FAF1: variants seen among roughly 807,000 people sequenced by gnomAD.
The protein encoded by FAF1 is Fas associated factor 1, also known as FAS-associated factor 1.
FAF1 carries 25 observed loss-of-function variants against 92.5 expected under a neutral mutation model. The observed-to-expected ratio is 0.27, with a 90% CI of 0.20 to 0.38. FAF1 has a LOEUF of 0.38. Among genes scored for constraint, FAF1 ranks in the 10% least tolerant of loss-of-function variants. The probability of loss-of-function intolerance (pLI) is 1.00; values close to 1 mark genes in which losing one functional copy is unlikely to be tolerated. For missense variants in FAF1, 636 were observed against 793.3 expected, an observed-to-expected ratio of 0.80 and a Z score of 2.38; for synonymous variants, 234 against 273.2, an observed-to-expected ratio of 0.86 and a Z score of 1.42.
chr1:50,888,522 C>T (rs575775755), intron 1 of FAF1, among the ~76,000 whole-genome samples: 287 of 152,234 alleles, frequency 1.9e-3, no homozygotes, highest in African/African-American at 6.3e-3. Context: ...TTGTCATAAA[C>T]AGCTCTTATT....
intron 4 of FAF1, among the ~76,000 whole-genome samples, chr1:50,752,676 A>AT: frequency 6.6e-6 from 1 of 151,582 alleles, no homozygotes; most frequent in East Asian, 1.9e-4. Context: ...TGATTTGCTC[A>AT]TTTTTTTGGT....
At chr1:50,886,213 CA>C (rs1402276427) in intron 1 of FAF1, among the ~76,000 whole-genome samples, 1 of 152,178 alleles carries the variant, frequency 6.6e-6, no homozygotes, top group Non-Finnish European at 1.5e-5. Flanking sequence ...TGCTCATTAT[CA>C]TCCTTTTCTT....
At chr1:50,929,471 A>G (rs1460779938) in intron 1 of FAF1, among the ~76,000 whole-genome samples, 1 of 152,230 alleles carries the variant, frequency 6.6e-6, no homozygotes, top group African/African-American at 2.4e-5. Context: ...TCAAAAAAAT[A>G]AAAATTTCCC....
chr1:50,729,058 A>ATTTTTTT lies in FAF1; in HGVS notation c.551+9798_551+9804dup, dbSNP rs1195852048. ...TCTATATATATATATATATATATAT[A>ATTTTTTT]TTTTTTTTTTTTTTGAGGCAGAGTT... On this transcript the variant is annotated intron_variant, in intron 6 of 18. Transcript: ENST00000396153. Among the ~76,000 whole-genome samples, 109 of 70,104 alleles carry ATTTTTTT rather than the reference A, an allele frequency of 1.6e-3. 1 individual carries two copies. The highest frequency in any genetic ancestry group is 0.016 in the Middle Eastern group (1 of 64). 46.0% of individuals were successfully genotyped at this position (70,104 alleles called of 152,430 possible). A position where few individuals can be genotyped will look rare whatever the true frequency, so the allele number is the denominator to read the frequency against.
At chr1:50,799,026 G>C (rs990732389) in intron 3 of FAF1, among the ~76,000 whole-genome samples, 2 of 152,074 alleles carry the variant, frequency 1.3e-5, no homozygotes, top group Non-Finnish European at 2.9e-5. Flanking sequence ...TGGCCAGGCT[G>C]GTCTTGAACT....
intron 1 of FAF1, among the ~76,000 whole-genome samples, chr1:50,915,546 T>C (rs1200862283): frequency 6.6e-6 from 1 of 152,054 alleles, no homozygotes; most frequent in South Asian, 2.1e-4. Flanking sequence ...ATAAGCTGAT[T>C]TGCCCTGAAG....
chr1:50,826,550 C>CA (rs551210493), intron 2 of FAF1, among the ~76,000 whole-genome samples: 4,878 of 79,910 alleles, frequency 0.061, 240 homozygotes, highest in African/African-American at 0.19. Flanking sequence ...GACTCCGTCT[C>CA]AAAAAAAAAA....
intron 1 of FAF1, among the ~76,000 whole-genome samples, chr1:50,933,132 C>T (rs1645061463): frequency 6.6e-6 from 1 of 152,206 alleles, no homozygotes; most frequent in Non-Finnish European, 1.5e-5. Flanking sequence ...GACCTGGAGA[C>T]ATTTTCCCCA....
intron 4 of FAF1, among the ~76,000 whole-genome samples, chr1:50,748,005 C>T (rs72902708): frequency 0.12 from 17,850 of 152,156 alleles, 1,267 homozygotes; most frequent in African/African-American, 0.2. Context: ...TGCAGAACTG[C>T]GAACCAATTA....
intron 1 of FAF1, among the ~76,000 whole-genome samples, chr1:50,922,818 C>CAAAAAAA: frequency 1.8e-5 from 1 of 56,862 alleles, no homozygotes; most frequent in Non-Finnish European, 3.7e-5. Flanking sequence ...GAATCCACCA[C>CAAAAAAA]AAAAAAAAAA....
intron 12 of FAF1, among the ~76,000 whole-genome samples, chr1:50,581,538 T>C (rs888164079): frequency 2.0e-5 from 3 of 152,290 alleles, no homozygotes; most frequent in South Asian, 2.1e-4. Context: ...ACATAAAGGA[T>C]AGTCCCTGCC....
At chr1:50,817,348 C>A (rs984285526) in intron 2 of FAF1, among the ~76,000 whole-genome samples, 7 of 152,086 alleles carry the variant, frequency 4.6e-5, no homozygotes, top group African/African-American at 7.2e-5. Context: ...ATATGGATGA[C>A]CCCTGAAGAT....
chr1:50,862,886 T>C (rs574306344), intron 1 of FAF1, among the ~76,000 whole-genome samples: 2 of 152,016 alleles, frequency 1.3e-5, no homozygotes, highest in South Asian at 4.2e-4. Context: ...CTCCCATTTA[T>C]AAAAGCTCTA....
chr1:50,524,922 G>A (rs1024280480), intron 15 of FAF1, among the ~76,000 whole-genome samples: 1 of 151,536 alleles, frequency 6.6e-6, no homozygotes, highest in African/African-American at 2.4e-5. Context: ...ATCTTGCTCT[G>A]TTGCCCAGGG....
At chr1:50,559,401 T>C (rs1649760421) in intron 13 of FAF1, among the ~76,000 whole-genome samples, 1 of 152,186 alleles carries the variant, frequency 6.6e-6, no homozygotes. Context: ...TCAGTACTAT[T>C]AGGAAACTAT....
At chr1:50,959,696 A>G in intron 1 of FAF1, 71 bp downstream of exon 1, 1 of 1,358,964 alleles carries the variant, frequency 7.4e-7, no homozygotes, top group Non-Finnish European at 1.0e-6. Flanking sequence ...AACGCTGGGA[A>G]GAAGACTCCC....
intron 14 of FAF1, among the ~76,000 whole-genome samples, chr1:50,538,883 T>C (rs1648622631): frequency 6.6e-6 from 1 of 152,184 alleles, no homozygotes; most frequent in South Asian, 2.1e-4. Flanking sequence ...CCAATCAGAC[T>C]TAAATGGAGG....
intron 17 of FAF1, among the ~76,000 whole-genome samples, 200 bp downstream of exon 17, chr1:50,490,384 AAAGG>A (rs199911582): frequency 0.1 from 3,580 of 34,608 alleles, 57 homozygotes; most frequent in Non-Finnish European, 0.12. Flanking sequence ...TCTATCTCAA[AAAGG>A]AAGGAAGGAA....
intron 1 of FAF1, among the ~76,000 whole-genome samples, chr1:50,872,445 T>C (rs1644536428): frequency 6.6e-6 from 1 of 152,100 alleles, no homozygotes; most frequent in Admixed American, 6.5e-5. Context: ...AAAAAAGTGG[T>C]TTCTTGAGAT....
Sources: allele counts gnomAD v4.1 joint callset (sites outside exome capture counted in the v4.1 genomes callset), GRCh38; gene constraint gnomAD v4.1.1; transcripts MANE v1.5; gene names NCBI Gene and HGNC (gene_info 2026-07-23, HGNC 2026-07-21).